Variants in DMD observed in about 807,000 individuals in gnomAD.
DMD encodes the protein mutant dystrophin.
DMD carries 63 observed loss-of-function variants against 330.1 expected under a neutral mutation model. That is an observed-to-expected ratio of 0.19 (90% CI 0.16 to 0.24). The LOEUF (loss-of-function observed/expected upper bound fraction) is 0.24. DMD is among the 10% of genes least tolerant of loss of function. The pLI, the probability that DMD is intolerant of heterozygous loss-of-function variation, is 1.00. For synonymous variants in DMD, 1,223 were observed against 959.8 expected (o/e 1.27, Z -5.07); for missense variants, 3,344 against 2,684.1 (o/e 1.25, Z -5.43).
intron 56 of DMD, among the ~76,000 whole-genome samples, chrX:31,499,884 T>C (rs2070270834): frequency 8.9e-6 from 1 of 112,027 alleles, no homozygotes; most frequent in African/African-American, 3.2e-5. Flanking sequence ...TCAAGAGAGC[T>C]AATACAGCAG....
At chrX:33,096,256 G>A (rs1316141671) in intron 1 of DMD, among the ~76,000 whole-genome samples, 5 of 110,812 alleles carry the variant, frequency 4.5e-5, no homozygotes, top group Non-Finnish European at 9.4e-5. Context: ...TTACTGGCGT[G>A]AGCCACCGCG....
chrX:31,851,717 T>A (rs978601277), intron 48 of DMD, among the ~76,000 whole-genome samples: 2 of 111,646 alleles, frequency 1.8e-5, no homozygotes, highest in Non-Finnish European at 3.8e-5. Flanking sequence ...ATGGTGATAA[T>A]GTGTAGTAAA....
intron 1 of DMD, among the ~76,000 whole-genome samples, chrX:33,144,770 G>A (rs146376858): frequency 1.8e-5 from 2 of 111,225 alleles, no homozygotes; most frequent in Non-Finnish European, 3.8e-5. Context: ...AGATGCACAC[G>A]CTCGCTACCT....
chrX:31,692,362 A>T (rs1450093027), intron 52 of DMD, among the ~76,000 whole-genome samples: 1 of 111,607 alleles, frequency 9.0e-6, no homozygotes, highest in Non-Finnish European at 1.9e-5. Context: ...AGGAAACTAC[A>T]AAAAGAAGAA....
Position 31,951,111 on chromosome X carries a change from C to CTATA in DMD, c.6614+17224_6614+17227dup, listed in dbSNP as rs1190843934. On this transcript the variant is annotated intron_variant, in intron 45 of 78. Coordinates refer to ENST00000357033, the MANE Select transcript of DMD (RefSeq NM_004006.3). The stretch of plus-strand genomic sequence containing the variant: ...TAGGACCTAAGTTTAAACACACATA[C>CTATA]TATATATATACATATATATATATAT... 1.6e-3 allele frequency among the ~76,000 whole-genome samples: 109 copies of CTATA among 66,807 alleles called. 2 individuals are homozygous for CTATA. Among genetic ancestry groups the CTATA allele is most frequent in the Middle Eastern group, 7.5e-3 (1 of 133 alleles). The allele number at this position is 66,807 out of a possible 115,157, so 58.0% of individuals were successfully genotyped here.
chrX:32,526,572 TACAA>T (rs1281004921), intron 17 of DMD, among the ~76,000 whole-genome samples: 1 of 111,688 alleles, frequency 9.0e-6, no homozygotes, highest in Non-Finnish European at 1.9e-5. Context: ...TATTATATTG[TACAA>T]ACAGACTCAG....
At chrX:31,835,180 TCTTTTACAAAGGCAC>T (rs2093168809) in intron 49 of DMD, among the ~76,000 whole-genome samples, 1 of 112,130 alleles carries the variant, frequency 8.9e-6, no homozygotes, top group East Asian at 2.8e-4. Context: ...TCTCTCTCTC[TCTTTTACAAAGGCAC>T]AAAAGTAAAA....
chrX:31,754,077 C>T (rs2088841507), intron 51 of DMD, among the ~76,000 whole-genome samples: 1 of 111,076 alleles, frequency 9.0e-6, no homozygotes, highest in African/African-American at 3.3e-5. Context: ...CACACACGTA[C>T]GCTCGGCAGT....
rs746773915 is a variant in DMD at position 32,761,890 on chromosome X, C to T, written c.649+47603G>A. 3.6e-5 allele frequency among the ~76,000 whole-genome samples: 4 copies of T among 111,213 alleles called. No homozygotes were observed. The South Asian group carries it at 1.5e-3, about 43-fold the overall frequency. The stretch of plus-strand genomic sequence containing the variant: ...CTCGGGCTGGGCATGGTGGCTCATG[C>T]TTGTTATCCCAGCACTTTGGGAGGC... On this transcript the variant is annotated intron_variant, in intron 7 of 78. Coordinates refer to ENST00000357033, the MANE Select transcript of DMD (RefSeq NM_004006.3).
chrX:31,951,163 A>ATATATATG (rs1569521317), intron 45 of DMD, among the ~76,000 whole-genome samples: 1 of 74,224 alleles, frequency 1.3e-5, no homozygotes, highest in African/African-American at 6.9e-5. Flanking sequence ...ATATATGTAT[A>ATATATATG]TATATATATA....
At chrX:31,319,086 A>T (rs1404796013) in intron 62 of DMD, among the ~76,000 whole-genome samples, 1 of 112,290 alleles carries the variant, frequency 8.9e-6, no homozygotes, top group Non-Finnish European at 1.9e-5. Flanking sequence ...GACAGCAAAT[A>T]ACATTTACTT....
chrX:31,564,534 T>A (rs894586879), intron 55 of DMD, among the ~76,000 whole-genome samples: 1 of 111,660 alleles, frequency 9.0e-6, no homozygotes, highest in Non-Finnish European at 1.9e-5. Flanking sequence ...TGCATAGAGG[T>A]AGGAGAAATA....
At chrX:33,010,546 A>G (rs144274866) in intron 2 of DMD, among the ~76,000 whole-genome samples, 1,290 of 110,345 alleles carry the variant, frequency 0.012, 26 homozygotes, top group African/African-American at 0.04. Context: ...CTCAGCCAGT[A>G]AGTATAATGC....
intron 7 of DMD, among the ~76,000 whole-genome samples, chrX:32,802,583 G>A (rs1046246253): frequency 9.0e-6 from 1 of 111,576 alleles, no homozygotes; most frequent in African/African-American, 3.3e-5. Context: ...TCCAGCTTTT[G>A]CCCATTCAGT....
At chrX:31,247,605 A>T (rs1480410679) in intron 63 of DMD, among the ~76,000 whole-genome samples, 1 of 105,766 alleles carries the variant, frequency 9.5e-6, no homozygotes, top group Non-Finnish European at 1.9e-5. Flanking sequence ...TGTCTCAAAA[A>T]AAAAAAAAAA....
intron 2 of DMD, among the ~76,000 whole-genome samples, chrX:32,893,998 T>C (rs1489326283): frequency 9.0e-6 from 1 of 110,650 alleles, no homozygotes; most frequent in Non-Finnish European, 1.9e-5. Flanking sequence ...ACGTGACACA[T>C]CAAAGAAATC....
intron 44 of DMD, among the ~76,000 whole-genome samples, chrX:31,989,870 G>T (rs947814809): frequency 9.0e-6 from 1 of 110,844 alleles, no homozygotes; most frequent in Admixed American, 9.6e-5. Flanking sequence ...GGTATACTGC[G>T]TGATGCTGAG....
intron 44 of DMD, among the ~76,000 whole-genome samples, chrX:32,183,579 T>A (rs868455214): frequency 1.1e-5 from 1 of 89,705 alleles, no homozygotes; most frequent in Non-Finnish European, 2.4e-5. Flanking sequence ...TAAATATATA[T>A]ATATATATAT....
At chrX:32,882,851 C>A (rs1194156305) in intron 2 of DMD, among the ~76,000 whole-genome samples, 1 of 112,215 alleles carries the variant, frequency 8.9e-6, no homozygotes, top group Non-Finnish European at 1.9e-5. Flanking sequence ...ATTTTAAATA[C>A]TGCGTAGTCA....
Sources: gnomAD v4.1 joint callset for allele counts (sites outside exome capture counted in the v4.1 genomes callset) on GRCh38, gnomAD v4.1.1 for gene constraint, MANE v1.5 for transcripts, NCBI Gene and HGNC (gene_info 2026-07-23, HGNC 2026-07-21) for gene names.